PTGES3: variants seen among roughly 807,000 people sequenced by gnomAD.
The protein encoded by PTGES3 is prostaglandin E synthase 3, also known as Hsp90 co-chaperone.
Under a neutral mutation model 29.9 loss-of-function variants are expected in PTGES3, and 5 were observed. That is an observed-to-expected ratio of 0.17 (90% CI 0.09 to 0.35). PTGES3 has a LOEUF of 0.35. PTGES3 is among the 10% of genes least tolerant of loss of function. PTGES3 has a pLI of 1.00. For missense variants in PTGES3, 128 were observed against 190.0 expected (o/e 0.67, Z 1.92); for synonymous variants, 49 against 57.8 (o/e 0.85, Z 0.69).
chr12:56,676,781 G>A (rs1952270271), intron 1 of PTGES3, among the ~76,000 whole-genome samples: 1 of 151,804 alleles, frequency 6.6e-6, no homozygotes, highest in African/African-American at 2.4e-5. Flanking sequence ...AAATTAGACA[G>A]GCATGGTGGC....
chr12:56,685,121 A>G (rs1020461354), intron 1 of PTGES3, among the ~76,000 whole-genome samples: 4 of 152,162 alleles, frequency 2.6e-5, no homozygotes, highest in African/African-American at 9.7e-5. Context: ...AACACTTTTA[A>G]AACAAGTTAT....
intron 1 of PTGES3, among the ~76,000 whole-genome samples, chr12:56,678,903 G>A (rs1431184368): frequency 6.6e-6 from 1 of 152,066 alleles, no homozygotes; most frequent in Non-Finnish European, 1.5e-5. Context: ...TATCATTTTG[G>A]GCCAGGAGTT....
chr12:56,679,312 C>T (rs117852993), intron 1 of PTGES3, among the ~76,000 whole-genome samples: 3,299 of 144,634 alleles, frequency 0.023, 53 homozygotes, highest in Admixed American at 0.037. Context: ...GAGGCTGAGA[C>T]ATGAGAATCG....
intron 1 of PTGES3, among the ~76,000 whole-genome samples, chr12:56,680,921 A>G (rs1952505421): frequency 6.6e-6 from 1 of 151,714 alleles, no homozygotes; most frequent in Non-Finnish European, 1.5e-5. Flanking sequence ...GGAACCACAG[A>G]TACATGCTAC....
intron 3 of PTGES3, 50 bp downstream of exon 3, chr12:56,672,690 G>T: frequency 6.7e-7 from 1 of 1,496,546 alleles, no homozygotes; most frequent in Non-Finnish European, 8.9e-7. Context: ...TACTTGGTAT[G>T]TCTGTTTCCT....
At chr12:56,670,427 GACT>G in intron 4 of PTGES3, 63 bp from the exon 5 acceptor site, 2 of 1,220,360 alleles carry the variant, frequency 1.6e-6, no homozygotes, top group African/African-American at 1.5e-5. Context: ...TGAACCTTAA[GACT>G]ACGTTTTCTT....
At chr12:56,670,578 C>A in intron 4 of PTGES3, 1 of 508,256 alleles carries the variant, frequency 2.0e-6, no homozygotes, top group Middle Eastern at 5.4e-4. Flanking sequence ...TTACCCTCTT[C>A]AGGCAACCTG....
In PTGES3 at chr12:56,664,438, GTTA is replaced by G. The variant is rs1565856501; in HGVS notation, c.*38_*40del. The stretch of plus-strand genomic sequence containing the variant: ...CTCAATTATGAAATCTTGCAGAGAA[GTTA>G]TTTTTCTTTCTCAAAATCCAGGTGA... On this transcript the variant is annotated 3_prime_UTR_variant, in exon 8 of 8. Transcript: ENST00000262033. The G allele has an allele frequency of 1.3e-6, 2 of 1,597,094 alleles. No individual in the cohort carries two copies. The highest frequency in any genetic ancestry group is 1.7e-6 in the Non-Finnish European group (2 of 1,172,034).
At chr12:56,675,715 G>A (rs1483701680) in intron 1 of PTGES3, among the ~76,000 whole-genome samples, 1 of 152,020 alleles carries the variant, frequency 6.6e-6, no homozygotes, top group East Asian at 1.9e-4. Flanking sequence ...AAGGTCAGGA[G>A]TTCAGAGACC....
intron 1 of PTGES3, among the ~76,000 whole-genome samples, chr12:56,686,598 A>G (rs544094743): frequency 6.6e-6 from 1 of 151,810 alleles, no homozygotes; most frequent in African/African-American, 2.4e-5. Context: ...TCTGGTCTCG[A>G]ACTCCCGACC....
chr12:56,688,200 C>G lies in PTGES3; in HGVS notation c.-201G>C. 3 of 948,522 alleles carry G rather than the reference C, an allele frequency of 3.2e-6. No homozygotes were observed. The highest frequency in any genetic ancestry group is 4.3e-5 in the South Asian group (2 of 47,048). 58.8% of individuals were successfully genotyped at this position (948,522 alleles called of 1,614,324 possible). A position where few individuals can be genotyped will look rare whatever the true frequency, so the allele number is the denominator to read the frequency against. On this transcript the variant is annotated 5_prime_UTR_variant, in exon 1 of 8. Transcript: ENST00000262033. ...GCACCGCGCGGAAAGAGCGGCTCCT[C>G]CGGTCGGGGAGAAGAGGAAAGTGTA...
intron 1 of PTGES3, among the ~76,000 whole-genome samples, chr12:56,675,021 A>AAAAAAAAAAAAAT (rs1952174107): frequency 6.9e-6 from 1 of 145,916 alleles, no homozygotes; most frequent in Non-Finnish European, 1.5e-5. Context: ...AAAAAAAAAA[A>AAAAAAAAAAAAAT]AAAAAAGTGC....
chr12:56,684,191 C>G (rs1952718861), intron 1 of PTGES3, among the ~76,000 whole-genome samples: 1 of 152,020 alleles, frequency 6.6e-6, no homozygotes, highest in Non-Finnish European at 1.5e-5. Flanking sequence ...TCGCTAACCA[C>G]AAGACCCAAA....
chr12:56,687,957 CCTCA>C (rs1952962604), intron 1 of PTGES3, 37 bp downstream of exon 1: 1 of 1,603,404 alleles, frequency 6.2e-7, no homozygotes, highest in Non-Finnish European at 8.5e-7. Flanking sequence ...GCGGCCTCGG[CCTCA>C]CTCGGCGACC....
intron 1 of PTGES3, among the ~76,000 whole-genome samples, chr12:56,686,361 T>C (rs916086100): frequency 8.7e-5 from 11 of 126,208 alleles, no homozygotes; most frequent in Non-Finnish European, 1.4e-4. Flanking sequence ...AAAACTATTT[T>C]ATATACATTC....
intron 1 of PTGES3, among the ~76,000 whole-genome samples, chr12:56,685,664 T>C (rs1952805691): frequency 6.6e-6 from 1 of 151,118 alleles, no homozygotes; most frequent in African/African-American, 2.4e-5. Flanking sequence ...CCTCCCAAAG[T>C]GCTGGGATTA....
intron 6 of PTGES3, chr12:56,665,573 G>C (rs757616136): frequency 3.9e-5 from 38 of 985,146 alleles, no homozygotes; most frequent in Non-Finnish European, 4.6e-5. Flanking sequence ...TGTTTTATCG[G>C]TCTCTGACCA....
intron 1 of PTGES3, among the ~76,000 whole-genome samples, chr12:56,683,011 T>A (rs1952623633): frequency 6.6e-6 from 1 of 151,098 alleles, no homozygotes; most frequent in South Asian, 2.1e-4. Flanking sequence ...AAAAAAAAAT[T>A]TACAAAGGTA....
In PTGES3 at chr12:56,672,822, A is replaced by G. The variant is rs1565865331; in HGVS notation, c.117-13T>C. ...TCCTCCGAGACAACTGTATAAAATA[A>G]TAAAGAAAGAATTAAGCCTCTTCAA... On this transcript the variant is annotated splice_polypyrimidine_tract_variant and intron_variant, in intron 2 of 7. Transcript: ENST00000262033. 2 of 1,571,334 alleles carry G rather than the reference A, an allele frequency of 1.3e-6. No individual in the cohort carries two copies. Among genetic ancestry groups the G allele is most frequent in the Non-Finnish European group, 1.7e-6 (2 of 1,162,496 alleles).
Sources: gnomAD v4.1 joint callset for allele counts (sites outside exome capture counted in the v4.1 genomes callset) on GRCh38, gnomAD v4.1.1 for gene constraint, MANE v1.5 for transcripts, NCBI Gene and HGNC (gene_info 2026-07-23, HGNC 2026-07-21) for gene names.